ROR1: variants seen among roughly 807,000 people sequenced by gnomAD.
ROR1 encodes inactive tyrosine-protein kinase transmembrane receptor ROR1.
Under a neutral mutation model 78.8 loss-of-function variants are expected in ROR1, and 19 were observed. The observed-to-expected ratio is 0.24, with a 90% CI of 0.17 to 0.35. The LOEUF (loss-of-function observed/expected upper bound fraction) is 0.35. Ranked by LOEUF, ROR1 falls within the 10% of genes least tolerant of loss-of-function variation. The probability of loss-of-function intolerance (pLI) is 1.00; values close to 1 mark genes in which losing one functional copy is unlikely to be tolerated. For synonymous variants in ROR1, 386 were observed against 433.6 expected (o/e 0.89, Z 1.36); for missense variants, 917 against 1,177.8 (o/e 0.78, Z 3.24).
chr1:63,850,320 C>A (rs779401583), intron 1 of ROR1, among the ~76,000 whole-genome samples: 3 of 152,146 alleles, frequency 2.0e-5, no homozygotes, highest in Non-Finnish European at 4.4e-5. Flanking sequence ...GTATTATAAA[C>A]AATTTTGCCA....
At chr1:63,990,760 G>A (rs946158395) in intron 1 of ROR1, among the ~76,000 whole-genome samples, 1 of 151,916 alleles carries the variant, frequency 6.6e-6, no homozygotes, top group African/African-American at 2.4e-5. Context: ...TTAAAAAAAG[G>A]TAAAAGCCAG....
At position 64,049,718 on chromosome 1, in the gene ROR1, T is replaced by C. The variant is rs751549839; in HGVS notation, c.191T>C (p.Met64Thr). 1 of 1,614,040 alleles carries C rather than the reference T, an allele frequency of 6.2e-7. No individual in the cohort carries two copies. ...KDSYLTLDEP[M>T]NNITTSLGQT... ...TCTTACCTGACCCTCGATGAACCAATGAATAACATCACCACGTCTCTGGGC... is the reference window on the plus strand; with the variant it reads ...TCTTACCTGACCCTCGATGAACCAACGAATAACATCACCACGTCTCTGGGC... The change falls in exon 3 of 9, where the codon ATG becomes ACG. Residue 64 changes from methionine (M) to threonine (T), a missense_variant. Met to Thr is a moderately conservative substitution (Grantham distance 81). Coordinates refer to ENST00000371079, the MANE Select transcript of ROR1 (RefSeq NM_005012.4).
chr1:64,027,612 A>T (rs1646624216), intron 2 of ROR1, among the ~76,000 whole-genome samples: 1 of 152,058 alleles, frequency 6.6e-6, no homozygotes, highest in African/African-American at 2.4e-5. Context: ...TCAACATGTT[A>T]GATTTGTCAT....
chr1:63,917,816 ATGT>A (rs1645620803), intron 1 of ROR1, among the ~76,000 whole-genome samples: 1 of 152,144 alleles, frequency 6.6e-6, no homozygotes, highest in African/African-American at 2.4e-5. Flanking sequence ...GTGGAGGCAA[ATGT>A]TGTTTTGTGG....
rs781580255 is a variant in ROR1 at position 64,009,384 on chromosome 1, G to GT, written c.163+9dup. The GT allele has an allele frequency of 3.8e-4, 610 of 1,608,248 alleles. 1 individual carries two copies. Among genetic ancestry groups the GT allele is most frequent in the Non-Finnish European group, 5.0e-4 (592 of 1,174,894 alleles). ...CAAGTGAACTCAACAAAGGTACACA[G>GT]TGGGGGCACACAGGGGAGGCGAGGA... On this transcript the variant is annotated intron_variant, in intron 2 of 8. Transcript: ENST00000371079.
intron 2 of ROR1, among the ~76,000 whole-genome samples, chr1:64,030,322 G>A (rs1646650489): frequency 6.6e-6 from 1 of 152,134 alleles, no homozygotes; most frequent in South Asian, 2.1e-4. Flanking sequence ...AGACCACCAG[G>A]TAAAAGTTAC....
At chr1:64,018,616 A>G (rs187522417) in intron 2 of ROR1, among the ~76,000 whole-genome samples, 131 of 152,250 alleles carry the variant, frequency 8.6e-4, no homozygotes, top group African/African-American at 3.1e-3. Context: ...CAAGGCCCTC[A>G]TGTGTCTCCC....
chr1:64,022,331 A>G (rs1252253114), intron 2 of ROR1, among the ~76,000 whole-genome samples: 5 of 152,378 alleles, frequency 3.3e-5, no homozygotes, highest in African/African-American at 9.6e-5. Context: ...TGGTTGTACA[A>G]CATTGTCAGT....
At chr1:63,780,057 A>G (rs1421173912) in intron 1 of ROR1, among the ~76,000 whole-genome samples, 2 of 152,216 alleles carry the variant, frequency 1.3e-5, no homozygotes, top group Non-Finnish European at 2.9e-5. Context: ...GTCCATAAAT[A>G]AGGTTTTGTA....
At chr1:63,866,146 G>A (rs1356711641) in intron 1 of ROR1, among the ~76,000 whole-genome samples, 1 of 152,028 alleles carries the variant, frequency 6.6e-6, no homozygotes. Flanking sequence ...GTGCTGTTTG[G>A]CAGTCTTCTC....
In ROR1 at chr1:64,179,754, AC is replaced by A. The variant is rs1650500219; in HGVS notation, c.*901del. 1 of 152,184 alleles carries A rather than the reference AC, an allele frequency of 6.6e-6. No homozygotes were observed. The highest frequency in any genetic ancestry group is 2.1e-4 in the South Asian group (1 of 4,826). 9.4% of individuals were successfully genotyped at this position (152,184 alleles called of 1,614,324 possible). On this transcript the variant is annotated 3_prime_UTR_variant, in exon 9 of 9. Coordinates refer to ENST00000371079, the MANE Select transcript of ROR1 (RefSeq NM_005012.4). Reference sequence around the variant, plus strand: ...ACAGCCCCCATAGGAGTTTTCTGGAACCAGTAACACTGAAAAATAAGTGTGT... The same window carrying A: ...ACAGCCCCCATAGGAGTTTTCTGGAACAGTAACACTGAAAAATAAGTGTGT...
intron 8 of ROR1, among the ~76,000 whole-genome samples, chr1:64,166,760 G>A (rs1013654013): frequency 1.3e-5 from 2 of 152,150 alleles, no homozygotes; most frequent in African/African-American, 4.8e-5. Context: ...CATCCTGTTA[G>A]CATACATTCT....
chr1:63,975,526 T>C (rs1646152779), intron 1 of ROR1, among the ~76,000 whole-genome samples: 1 of 152,192 alleles, frequency 6.6e-6, no homozygotes, highest in Non-Finnish European at 1.5e-5. Flanking sequence ...TTGGGTCAGC[T>C]GTCTTCCAGT....
intron 1 of ROR1, among the ~76,000 whole-genome samples, chr1:63,923,074 A>G (rs1300870775): frequency 1.3e-5 from 2 of 152,216 alleles, no homozygotes; most frequent in Admixed American, 1.3e-4. Flanking sequence ...GTCACGGGGC[A>G]TGTGAGATCA....
chr1:63,852,123 T>C (rs1557527536), intron 1 of ROR1, among the ~76,000 whole-genome samples: 1 of 152,266 alleles, frequency 6.6e-6, no homozygotes, highest in Non-Finnish European at 1.5e-5. Flanking sequence ...AATATACATA[T>C]ATTTTTCAAT....
chr1:64,020,187 A>T (rs556471093), intron 2 of ROR1, among the ~76,000 whole-genome samples: 1 of 152,316 alleles, frequency 6.6e-6, no homozygotes, highest in East Asian at 1.9e-4. Context: ...TAAGCCACTA[A>T]GTTTGTGATA....
At chr1:63,871,170 G>A (rs1294659082) in intron 1 of ROR1, among the ~76,000 whole-genome samples, 6 of 152,108 alleles carry the variant, frequency 3.9e-5, no homozygotes, top group Admixed American at 6.6e-5. Flanking sequence ...TGATGTCTCC[G>A]AACTTAGGTA....
chr1:64,010,697 C>T (rs550776555), intron 2 of ROR1, among the ~76,000 whole-genome samples: 11 of 152,254 alleles, frequency 7.2e-5, no homozygotes, highest in Admixed American at 3.3e-4. Context: ...ATAATCCCTA[C>T]GTGTTGTGAG....
intron 1 of ROR1, among the ~76,000 whole-genome samples, chr1:63,999,121 A>G (rs1646363086): frequency 6.6e-6 from 1 of 152,228 alleles, no homozygotes; most frequent in Non-Finnish European, 1.5e-5. Context: ...ACAGACTAAT[A>G]CAGAAATACA....
Sources: allele counts gnomAD v4.1 joint callset (sites outside exome capture counted in the v4.1 genomes callset), GRCh38; gene constraint gnomAD v4.1.1; transcripts MANE v1.5; gene names NCBI Gene and HGNC (gene_info 2026-07-23, HGNC 2026-07-21).